The following MACF1 variants were observed in gnomAD, a reference collection of about 807,000 sequenced individuals.
MACF1 encodes microtubule actin crosslinking factor 1.
In MACF1, 193 loss-of-function variants were observed where a neutral mutation model predicts 854.8. The observed-to-expected ratio is 0.23, with a 90% CI of 0.20 to 0.25. MACF1 has a LOEUF of 0.25. Among genes scored for constraint, MACF1 ranks in the 10% least tolerant of loss-of-function variants. The pLI is 1.00. For missense variants in MACF1, 7,722 were observed against 8,929.1 expected, an observed-to-expected ratio of 0.86 and a Z score of 5.45; for synonymous variants, 3,185 against 3,226.7, an observed-to-expected ratio of 0.99 and a Z score of 0.44.
rs1642165371 is a variant in MACF1, at chr1:39,393,912, GAA to G, written c.15816+5256_15816+5257del. On this transcript the variant is annotated intron_variant, in intron 58 of 100. Coordinates refer to ENST00000564288, the MANE Select transcript of MACF1 (RefSeq NM_001394062.1). ...AAAGGAAGGAAGGAAAGAAAAGAAAGAAAGAGAAAGAAAGAACGAACGAACGA... is the reference window on the plus strand; with the variant it reads ...AAAGGAAGGAAGGAAAGAAAAGAAAGAGAGAAAGAAAGAACGAACGAACGA... Among the ~76,000 whole-genome samples, 5 of 151,852 alleles carry G rather than the reference GAA, an allele frequency of 3.3e-5. No homozygotes were observed. The East Asian group carries it at 5.8e-4, about 18-fold the overall frequency.
rs1418398632 is a variant in MACF1, at chr1:39,387,775, A to G, written c.14933A>G (p.Asp4978Gly). Residue 4978 changes from aspartate to glycine, a missense_variant, in exon 58 of 101, where the codon GAT (aspartate) becomes GGT (glycine). By Grantham distance (94) the Asp-to-Gly change is moderately conservative. Coordinates refer to ENST00000564288, the MANE Select transcript of MACF1 (RefSeq NM_001394062.1). The part of the protein sequence containing the change: ...ILINSSEADE[D>G]GIRDEKAGIN... ...ATCAATTCTTCAGAAGCAGATGAGGATGGAATCCGGGATGAGAAGGCTGGG... is the reference window on the plus strand; with the variant it reads ...ATCAATTCTTCAGAAGCAGATGAGGGTGGAATCCGGGATGAGAAGGCTGGG... The G allele has an allele frequency of 6.2e-7, 1 of 1,614,176 alleles. No homozygotes were observed. Among genetic ancestry groups the G allele is most frequent in the East Asian group, 2.2e-5 (1 of 44,886 alleles).
At chr1:39,221,213 GAAA>G (rs1344939166) in intron 1 of MACF1, among the ~76,000 whole-genome samples, 1 of 152,124 alleles carries the variant, frequency 6.6e-6, no homozygotes, top group Non-Finnish European at 1.5e-5. Flanking sequence ...TTGAACCACC[GAAA>G]ACGTAGTGAA....
intron 56 of MACF1, among the ~76,000 whole-genome samples, chr1:39,385,121 G>A (rs1303461987): frequency 6.6e-6 from 1 of 152,174 alleles, no homozygotes; most frequent in Non-Finnish European, 1.5e-5. Context: ...AGGCTGGAGT[G>A]CAGTGGTGCT....
Position 39,310,950 on chromosome 1 carries a change from A to G in MACF1, c.3220A>G (p.Thr1074Ala), listed in dbSNP as rs1349098038. Reference sequence around the variant, plus strand: ...AATTCAGTCTCTAGCCAGCTCTAGGACTGACAGAGATGCCTGGCAGGACAA... The same window carrying G: ...AATTCAGTCTCTAGCCAGCTCTAGGGCTGACAGAGATGCCTGGCAGGACAA... ...KRIQSLASSR[T>A]DRDAWQDNAL... The change falls in exon 26 of 101, where the codon ACT becomes GCT. Residue 1074 changes from threonine (T) to alanine (A), a missense_variant. By Grantham distance (58) the Thr-to-Ala change is moderately conservative. Around this residue, in one of 15 missense-constraint regions of MACF1, gnomAD observed 1,137 missense variants for 1,263.0 expected, o/e 0.90. Coordinates refer to ENST00000564288, the MANE Select transcript of MACF1 (RefSeq NM_001394062.1). The G allele has an allele frequency of 3.7e-6, 6 of 1,614,220 alleles. No homozygotes were observed. In the African/African-American group the frequency reaches 6.7e-5, roughly 18 times the overall value.
At chr1:39,346,420 A>G (rs1647048919) in intron 40 of MACF1, among the ~76,000 whole-genome samples, 1 of 152,218 alleles carries the variant, frequency 6.6e-6, no homozygotes, top group Non-Finnish European at 1.5e-5. Flanking sequence ...GCTAGCATAA[A>G]TAATTGAGCT....
chr1:39,293,318 A>T, intron 17 of MACF1, 140 bp from the exon 18 acceptor site: 1 of 805,700 alleles, frequency 1.2e-6, no homozygotes, highest in Non-Finnish European at 2.0e-6. Context: ...AACTTGTACA[A>T]AACTTGAATC....
At chr1:39,475,875 A>G (rs1458400691) in intron 97 of MACF1, among the ~76,000 whole-genome samples, 1 of 152,192 alleles carries the variant, frequency 6.6e-6, no homozygotes, top group Non-Finnish European at 1.5e-5. Flanking sequence ...GTCTAAGGGG[A>G]GAACAGGACT....
intron 4 of MACF1, among the ~76,000 whole-genome samples, chr1:39,252,430 A>T (rs1645051156): frequency 6.6e-6 from 1 of 151,200 alleles, no homozygotes; most frequent in Non-Finnish European, 1.5e-5. Flanking sequence ...GCATGGAGAT[A>T]CTCTGGCTTT....
chr1:39,158,376 C>T (rs537296854), intron 2 of MACF1, among the ~76,000 whole-genome samples: 1 of 152,288 alleles, frequency 6.6e-6, no homozygotes, highest in South Asian at 2.1e-4. Context: ...TATGCAGTGC[C>T]TCCTCTGTTG....
At chr1:39,232,051 G>C (rs1345266785) in intron 2 of MACF1, among the ~76,000 whole-genome samples, 1 of 149,062 alleles carries the variant, frequency 6.7e-6, no homozygotes, top group African/African-American at 2.5e-5. Flanking sequence ...TTAAATAGAG[G>C]AGAAACCATA....
Position 39,300,513 on chromosome 1 carries a change from A to AG in MACF1, c.2634+151_2634+152insG, listed in dbSNP as rs200074942. 7.0e-3 allele frequency: 6,019 copies of AG among 855,580 alleles called. 82 individuals are homozygous for AG. Among genetic ancestry groups the AG allele is most frequent in the South Asian group, 0.013 (654 of 48,464 alleles). The allele number at this position is 855,580 out of a possible 1,614,324, so 53.0% of individuals were successfully genotyped here. On this transcript the variant is annotated intron_variant, in intron 22 of 100. Coordinates refer to ENST00000564288, the MANE Select transcript of MACF1 (RefSeq NM_001394062.1). ...TGAAGTCTCTCCTATCATTTAAAAA[A>AG]AAAAACTAAACTAAAAACTTCAACA...
rs1481914863 is a variant in MACF1, at chr1:39,226,429, C to G, written c.110-4753C>G. ...GATCTCAGCTCACTGCAACCTCCGC[C>G]TCCCAGGTTGAAGCAGTTCTCCTGC... On this transcript the variant is annotated intron_variant, in intron 1 of 100. Coordinates refer to ENST00000564288, the MANE Select transcript of MACF1 (RefSeq NM_001394062.1). Among the ~76,000 whole-genome samples the G allele has an allele frequency of 2.0e-5, 3 of 152,020 alleles. No homozygotes were observed. In the East Asian group the frequency reaches 5.8e-4, roughly 29 times the overall value.
At chr1:39,127,301 G>A (rs1003941056) in intron 2 of MACF1, among the ~76,000 whole-genome samples, 2 of 152,200 alleles carry the variant, frequency 1.3e-5, no homozygotes, top group African/African-American at 4.8e-5. Flanking sequence ...GAGCTGAGGT[G>A]GACCTGGTGT....
intron 68 of MACF1, among the ~76,000 whole-genome samples, chr1:39,434,024 G>A (rs1266167430): frequency 6.6e-6 from 1 of 152,154 alleles, no homozygotes; most frequent in African/African-American, 2.4e-5. Context: ...AGGTTACAGT[G>A]AGCTGAGATC....
intron 25 of MACF1, 77 bp from the exon 26 acceptor site, chr1:39,310,754 G>C: frequency 7.2e-7 from 1 of 1,386,734 alleles, no homozygotes; most frequent in East Asian, 2.3e-5. Flanking sequence ...ATAAAGCCTT[G>C]CTTTCATTAG....
intron 90 of MACF1, 168 bp from the exon 91 acceptor site, chr1:39,458,918 A>G (rs1022638052): frequency 4.8e-6 from 3 of 623,576 alleles, no homozygotes; most frequent in Non-Finnish European, 8.1e-6. Flanking sequence ...GAGGATCAGT[A>G]CTTTTGGAAT....
intron 2 of MACF1, among the ~76,000 whole-genome samples, chr1:39,240,151 A>G (rs1226660549): frequency 6.6e-6 from 1 of 152,220 alleles, no homozygotes; most frequent in East Asian, 1.9e-4. Flanking sequence ...TTTTGGCCAC[A>G]TGAGTCAATT....
At chr1:39,284,566 C>G in intron 11 of MACF1, 138 bp downstream of exon 11, 1 of 481,118 alleles carries the variant, frequency 2.1e-6, no homozygotes, top group Non-Finnish European at 3.6e-6. Context: ...AATAGCACCA[C>G]TCTCAGGCTG....
At chr1:39,326,149 A>T (rs1646605451) in intron 35 of MACF1, among the ~76,000 whole-genome samples, 1 of 152,142 alleles carries the variant, frequency 6.6e-6, no homozygotes, top group South Asian at 2.1e-4. Flanking sequence ...GGACTGATAG[A>T]ATAAGAGGAA....
Sources: allele counts gnomAD v4.1 joint callset (sites outside exome capture counted in the v4.1 genomes callset), GRCh38; gene constraint gnomAD v4.1.1; regional missense constraint gnomAD v4.1.1; transcripts MANE v1.5; gene names NCBI Gene and HGNC (gene_info 2026-07-23, HGNC 2026-07-21).